The following DIP2A variants were observed in gnomAD, a reference collection of about 807,000 sequenced individuals.
The protein encoded by DIP2A is DIP2 acetate--CoA ligase A.
Under a neutral mutation model 177.4 loss-of-function variants are expected in DIP2A, and 85 were observed. The ratio of observed to expected loss-of-function variants is 0.48; its 90% CI spans 0.40 to 0.57. The LOEUF is 0.57. DIP2A is among the 20% of genes least tolerant of loss of function. The pLI is 0.00. For missense variants in DIP2A, 1,791 were observed against 2,100.2 expected, an observed-to-expected ratio of 0.85 and a Z score of 2.88; for synonymous variants, 886 against 881.8, an observed-to-expected ratio of 1.00 and a Z score of -0.08.
intron 20 of DIP2A, 136 bp from the exon 21 acceptor site, chr21:46,546,779 G>A (rs1446009674): frequency 8.5e-6 from 8 of 942,050 alleles, no homozygotes; most frequent in Non-Finnish European, 1.2e-5. Context: ...GATTGGGTCT[G>A]TGGGGCATTG....
At chr21:46,554,537 G>A in intron 26 of DIP2A, 38 bp from the exon 27 acceptor site, 4 of 1,599,892 alleles carry the variant, frequency 2.5e-6, no homozygotes, top group Non-Finnish European at 3.4e-6. Flanking sequence ...GGAGCCTCTT[G>A]CGGCCGGCCT....
At chr21:46,508,887 C>T (rs576885276) in intron 6 of DIP2A, among the ~76,000 whole-genome samples, 6 of 151,932 alleles carry the variant, frequency 3.9e-5, no homozygotes, top group East Asian at 2.0e-4. Flanking sequence ...GGTGTGGTGG[C>T]GCATGCCTGT....
chr21:46,486,371 A>G (rs566864061), intron 2 of DIP2A, among the ~76,000 whole-genome samples: 16 of 152,188 alleles, frequency 1.1e-4, no homozygotes, highest in Middle Eastern at 3.4e-3. Context: ...CGCCCAGCTT[A>G]CTGATTGAGA....
chr21:46,526,749 T>C (rs2059112419), intron 8 of DIP2A, among the ~76,000 whole-genome samples: 1 of 152,216 alleles, frequency 6.6e-6, no homozygotes, highest in Admixed American at 6.5e-5. Flanking sequence ...TATGTTGATA[T>C]ATTTAGCAGC....
In DIP2A at chr21:46,554,542, C is replaced by A. The variant is rs745604408; in HGVS notation, c.3155-33C>A. On this transcript the variant is annotated intron_variant, in intron 26 of 37. Transcript: ENST00000417564. The stretch of plus-strand genomic sequence containing the variant: ...GAGGCTGGTGGGAGCCTCTTGCGGC[C>A]GGCCTCCTCACAGCCAGTCCTTGTC... 5 of 1,602,234 alleles carry A rather than the reference C, an allele frequency of 3.1e-6. No homozygotes were observed. In the African/African-American group the frequency reaches 5.4e-5, roughly 17 times the overall value.
At chr21:46,479,817 GCCA>G (rs947913680) in intron 1 of DIP2A, among the ~76,000 whole-genome samples, 1 of 152,182 alleles carries the variant, frequency 6.6e-6, no homozygotes, top group Non-Finnish European at 1.5e-5. Context: ...ACAGATGTGA[GCCA>G]CCATGCTTGG....
At chr21:46,502,381 C>T (rs138250810) in intron 5 of DIP2A, among the ~76,000 whole-genome samples, 113 of 151,438 alleles carry the variant, frequency 7.5e-4, no homozygotes, top group African/African-American at 2.6e-3. Context: ...ATCCTCCTGC[C>T]TCAGCCTCCC....
At chr21:46,491,772 A>T (rs989451078) in intron 3 of DIP2A, among the ~76,000 whole-genome samples, 2 of 152,156 alleles carry the variant, frequency 1.3e-5, no homozygotes, top group African/African-American at 2.4e-5. Flanking sequence ...TACATGTCCC[A>T]GCTCTTCTCC....
intron 21 of DIP2A, among the ~76,000 whole-genome samples, chr21:46,548,283 C>T (rs1006702372): frequency 6.6e-6 from 1 of 152,084 alleles, no homozygotes; most frequent in Non-Finnish European, 1.5e-5. Context: ...AAATGGGGGA[C>T]ACATTGGGCA....
At chr21:46,516,488 C>CCTTTTT (rs2058579913) in intron 8 of DIP2A, among the ~76,000 whole-genome samples, 1 of 76,380 alleles carries the variant, frequency 1.3e-5, no homozygotes, top group African/African-American at 4.4e-5. Context: ...TCTGAAATTT[C>CCTTTTT]TTTTTTTTTT....
chr21:46,481,054 G>A (rs1464969102), intron 1 of DIP2A, among the ~76,000 whole-genome samples: 1 of 152,102 alleles, frequency 6.6e-6, no homozygotes, highest in Non-Finnish European at 1.5e-5. Flanking sequence ...GCGAGACCCT[G>A]ACTCTAAAAC....
rs1449035707 is a variant in DIP2A at position 46,565,762 on chromosome 21, G to T, written c.4214G>T (p.Gly1405Val). 6.2e-7 allele frequency: 1 copy of T among 1,613,996 alleles called. No homozygotes were observed. Among genetic ancestry groups the T allele is most frequent in the South Asian group, 1.1e-5 (1 of 91,078 alleles). ...GCCACCGGGTACTACACCGTTTACG[G>T]GGAGGAGGCGCTTCATGCCGACCAC... ...HNATGYYTVY[G>V]EEALHADHFS... The change falls in exon 36 of 38, where the codon GGG (glycine) becomes GTG (valine). Residue 1405 changes from glycine to valine, a missense_variant. Gly to Val is a moderately radical substitution (Grantham distance 109). Transcript: ENST00000417564.
At chr21:46,461,573 C>T (rs1342120359) in intron 1 of DIP2A, among the ~76,000 whole-genome samples, 1 of 152,090 alleles carries the variant, frequency 6.6e-6, no homozygotes. Context: ...ATCCTTTCCT[C>T]AAAGAACTTT....
At chr21:46,572,498 G>T (rs2060975532), downstream of DIP2A, among the ~76,000 whole-genome samples, 1 of 152,150 alleles carries the variant, frequency 6.6e-6, no homozygotes, top group South Asian at 2.1e-4. Context: ...GCCCTTAAGA[G>T]GTGATTGGAT....
chr21:46,524,872 C>CTTTTTTTTTTTTTTTTTTTTTTT lies in DIP2A; in HGVS notation c.1103-4210_1103-4188dup, dbSNP rs3061062. ...TTTCTTTTATGATTTTTGCTTTTTG[C>CTTTTTTTTTTTTTTTTTTTTTTT]TTTTTTTTTTTTTTTTTTTTTTTTT... On this transcript the variant is annotated intron_variant, in intron 8 of 37. Transcript: ENST00000417564. 9.5e-5 allele frequency among the ~76,000 whole-genome samples: 6 copies of CTTTTTTTTTTTTTTTTTTTTTTT among 63,400 alleles called. 1 individual carries two copies. Among genetic ancestry groups the CTTTTTTTTTTTTTTTTTTTTTTT allele is most frequent in the Non-Finnish European group, 1.4e-4 (5 of 35,378 alleles). The allele number at this position is 63,400 out of a possible 152,430, so 41.6% of individuals were successfully genotyped here.
At chr21:46,550,504 A>G in intron 22 of DIP2A, 39 bp from the exon 23 acceptor site, 1 of 1,583,260 alleles carries the variant, frequency 6.3e-7, no homozygotes, top group African/African-American at 1.3e-5. Context: ...CCCAGCCTCA[A>G]GTTGGGGGCC....
chr21:46,468,092 C>T (rs1020431770), intron 1 of DIP2A, among the ~76,000 whole-genome samples: 5 of 151,548 alleles, frequency 3.3e-5, no homozygotes, highest in Admixed American at 1.3e-4. Flanking sequence ...GGTGAAACTC[C>T]GCCTCTACTA....
chr21:46,500,700 G>A (rs1445786417), intron 5 of DIP2A, among the ~76,000 whole-genome samples: 1 of 152,226 alleles, frequency 6.6e-6, no homozygotes, highest in Non-Finnish European at 1.5e-5. Flanking sequence ...TGAAAAATTA[G>A]CCACAGTTCA....
chr21:46,482,923 G>A (rs1402182300), intron 1 of DIP2A, among the ~76,000 whole-genome samples: 1 of 152,160 alleles, frequency 6.6e-6, no homozygotes, highest in Admixed American at 6.5e-5. Context: ...ACCTTAAAAA[G>A]TTGTGCACAA....
Sources: allele counts gnomAD v4.1 joint callset (sites outside exome capture counted in the v4.1 genomes callset), GRCh38; gene constraint gnomAD v4.1.1; transcripts MANE v1.5; gene names NCBI Gene and HGNC (gene_info 2026-07-23, HGNC 2026-07-21).